ZDHHC2: variants seen among roughly 807,000 people sequenced by gnomAD.
The protein encoded by ZDHHC2 is palmitoyltransferase ZDHHC2.
Under a neutral mutation model 55.6 loss-of-function variants are expected in ZDHHC2, and 51 were observed. That is an observed-to-expected ratio of 0.92 (90% confidence interval 0.73 to 1.16). The LOEUF is 1.16. Ranked by LOEUF, ZDHHC2 falls within the 50% of genes most tolerant of loss-of-function variation. ZDHHC2 has a pLI of 0.00. For missense variants in ZDHHC2, 491 were observed against 442.4 expected (o/e 1.11, Z -0.99); for synonymous variants, 199 against 152.9 (o/e 1.30, Z -2.22).
chr8:17,199,637 T>TCTC (rs377155242), intron 6 of ZDHHC2, among the ~76,000 whole-genome samples: 11,028 of 98,394 alleles, frequency 0.11, 1,004 homozygotes, highest in South Asian at 0.28. Flanking sequence ...TTCTTCTTCT[T>TCTC]CTCCTCCTCC....
intron 4 of ZDHHC2, among the ~76,000 whole-genome samples, chr8:17,197,172 A>G (rs932469343): frequency 6.6e-6 from 1 of 152,210 alleles, no homozygotes; most frequent in African/African-American, 2.4e-5. Context: ...TGACAGTAAA[A>G]GGTGCAAAAA....
intron 3 of ZDHHC2, among the ~76,000 whole-genome samples, chr8:17,193,552 G>C (rs983712823): frequency 6.6e-6 from 1 of 152,200 alleles, no homozygotes; most frequent in Non-Finnish European, 1.5e-5. Flanking sequence ...CCCCATCTGC[G>C]TTTGCTCAAG....
intron 1 of ZDHHC2, among the ~76,000 whole-genome samples, chr8:17,159,129 C>G (rs907700571): frequency 2.6e-5 from 4 of 152,178 alleles, no homozygotes; most frequent in African/African-American, 9.7e-5. Flanking sequence ...AAGATGGCGA[C>G]TAGTGTGACT....
chr8:17,166,401 T>A (rs1804601482), intron 1 of ZDHHC2, among the ~76,000 whole-genome samples: 1 of 152,154 alleles, frequency 6.6e-6, no homozygotes, highest in African/African-American at 2.4e-5. Context: ...GCAGAAGGCA[T>A]CAGTTAGGTG....
chr8:17,157,847 A>G (rs1804141364), intron 1 of ZDHHC2, among the ~76,000 whole-genome samples: 1 of 152,178 alleles, frequency 6.6e-6, no homozygotes, highest in Non-Finnish European at 1.5e-5. Context: ...ACGAGGGAAA[A>G]GATGAAATAG....
intron 1 of ZDHHC2, among the ~76,000 whole-genome samples, chr8:17,168,741 C>G (rs1162048575): frequency 6.6e-6 from 1 of 151,910 alleles, no homozygotes; most frequent in East Asian, 1.9e-4. Context: ...TGGAATCATA[C>G]AATATTTGTC....
chr8:17,212,463 G>C (rs1208521269), intron 10 of ZDHHC2, among the ~76,000 whole-genome samples: 3 of 152,078 alleles, frequency 2.0e-5, no homozygotes, highest in Non-Finnish European at 4.4e-5. Context: ...GGGTCATCCT[G>C]GATTCCTCTC....
chr8:17,180,613 C>T (rs1425806143), intron 1 of ZDHHC2, among the ~76,000 whole-genome samples: 3 of 152,138 alleles, frequency 2.0e-5, no homozygotes, highest in Admixed American at 1.3e-4. Flanking sequence ...CTACACAAGG[C>T]ACTGTGTTAA....
At chr8:17,201,320 T>C (rs1400956174) in intron 6 of ZDHHC2, among the ~76,000 whole-genome samples, 2 of 152,018 alleles carry the variant, frequency 1.3e-5, no homozygotes, top group Non-Finnish European at 2.9e-5. Flanking sequence ...ATCTGTTTCT[T>C]TTTGTTTTCT....
At chr8:17,209,881 G>A (rs771980327) in intron 8 of ZDHHC2, 51 bp from the exon 9 acceptor site, 5 of 1,526,602 alleles carry the variant, frequency 3.3e-6, no homozygotes, top group Non-Finnish European at 4.4e-6. Flanking sequence ...ATTCAGGATT[G>A]CTAGTAAATA....
At chr8:17,194,887 G>A (rs1292313487) in intron 3 of ZDHHC2, among the ~76,000 whole-genome samples, 3 of 151,938 alleles carry the variant, frequency 2.0e-5, no homozygotes, top group South Asian at 2.1e-4. Context: ...AATTTATACA[G>A]GTGTATGTGT....
intron 6 of ZDHHC2, among the ~76,000 whole-genome samples, chr8:17,203,989 G>A (rs1347862254): frequency 6.6e-6 from 1 of 151,860 alleles, no homozygotes; most frequent in African/African-American, 2.4e-5. Flanking sequence ...TGTATTTTTA[G>A]TAGAGACAGG....
chr8:17,170,075 C>G (rs1205456368), intron 1 of ZDHHC2, among the ~76,000 whole-genome samples: 6 of 152,082 alleles, frequency 3.9e-5, no homozygotes, highest in Admixed American at 3.9e-4. Context: ...AGAGATTGGG[C>G]TAGTGCTGTA....
intron 1 of ZDHHC2, among the ~76,000 whole-genome samples, chr8:17,182,067 G>A (rs1025017234): frequency 6.6e-6 from 1 of 152,124 alleles, no homozygotes; most frequent in Admixed American, 6.5e-5. Context: ...TTCATTTCCT[G>A]AGTATCACAA....
At chr8:17,156,884 G>C (rs923435504) in intron 1 of ZDHHC2, 31 bp downstream of exon 1, 1 of 1,475,446 alleles carries the variant, frequency 6.8e-7, no homozygotes, top group East Asian at 3.0e-5. Flanking sequence ...GGCGCCCCCA[G>C]CGCAGCGCAG....
At position 17,223,476 on chromosome 8, in the gene ZDHHC2, C is replaced by T. The variant is rs1563177388; in HGVS notation, c.*3255C>T. 6.6e-6 allele frequency: 1 copy of T among 151,770 alleles called. No individual in the cohort carries two copies. The highest frequency in any genetic ancestry group is 1.5e-5 in the Non-Finnish European group (1 of 67,750). 9.4% of individuals were successfully genotyped at this position (151,770 alleles called of 1,614,324 possible). Reference sequence around the variant, plus strand: ...AACGTGTTCTTCTAAAGCAGAAAACCACGTGGCTTAATCCCAAATGTTTTA... The same window carrying T: ...AACGTGTTCTTCTAAAGCAGAAAACTACGTGGCTTAATCCCAAATGTTTTA... On this transcript the variant is annotated 3_prime_UTR_variant, in exon 13 of 13. Coordinates refer to ENST00000262096, the MANE Select transcript of ZDHHC2 (RefSeq NM_016353.5).
At chr8:17,167,304 C>CTTTTTTTTTTTTTTTTTTTTTTA (rs371848954) in intron 1 of ZDHHC2, among the ~76,000 whole-genome samples, 1 of 108,776 alleles carries the variant, frequency 9.2e-6, no homozygotes, top group Non-Finnish European at 1.8e-5. Flanking sequence ...TTTTTTTTAA[C>CTTTTTTTTTTTTTTTTTTTTTTA]TTTTTTTTTT....
At chr8:17,191,906 AT>A (rs773395406) in intron 3 of ZDHHC2, among the ~76,000 whole-genome samples, 1 of 152,122 alleles carries the variant, frequency 6.6e-6, no homozygotes, top group Non-Finnish European at 1.5e-5. Context: ...AGTAGTACTA[AT>A]TTACATTCTC....
chr8:17,204,321 C>T (rs535875840), intron 6 of ZDHHC2, among the ~76,000 whole-genome samples: 4 of 152,114 alleles, frequency 2.6e-5, no homozygotes, highest in Non-Finnish European at 2.9e-5. Context: ...TTTTTACCTA[C>T]GTTAGAAGGG....
Sources: gnomAD v4.1 joint callset for allele counts (sites outside exome capture counted in the v4.1 genomes callset) on GRCh38, gnomAD v4.1.1 for gene constraint, MANE v1.5 for transcripts, NCBI Gene and HGNC (gene_info 2026-07-23, HGNC 2026-07-21) for gene names.